Variants in RABGAP1 observed in about 807,000 individuals in gnomAD.
The protein encoded by RABGAP1 is RAB GTPase activating protein 1.
Under a neutral mutation model 137.6 loss-of-function variants are expected in RABGAP1, and 23 were observed. The observed-to-expected ratio is 0.17, with a 90% confidence interval of 0.12 to 0.24. The LOEUF is 0.24. Among genes scored for constraint, RABGAP1 ranks in the 10% least tolerant of loss-of-function variants. RABGAP1 has a pLI of 1.00. For missense variants in RABGAP1, 906 were observed against 1,275.8 expected, an observed-to-expected ratio of 0.71 and a Z score of 4.42; for synonymous variants, 451 against 450.7, an observed-to-expected ratio of 1.00 and a Z score of -0.01.
At chr9:122,964,301 C>G (rs1204747466) in intron 2 of RABGAP1, among the ~76,000 whole-genome samples, 2 of 151,942 alleles carry the variant, frequency 1.3e-5, no homozygotes, top group Non-Finnish European at 2.9e-5. Context: ...CATATGGACA[C>G]AAAAATCCTT....
intron 14 of RABGAP1, among the ~76,000 whole-genome samples, chr9:123,069,757 G>C (rs914550519): frequency 6.6e-6 from 1 of 152,038 alleles, no homozygotes; most frequent in Non-Finnish European, 1.5e-5. Flanking sequence ...GGTGGTGCAA[G>C]CCTGTGGTCC....
chr9:123,087,484 A>G (rs576863324), intron 19 of RABGAP1, among the ~76,000 whole-genome samples: 1 of 152,216 alleles, frequency 6.6e-6, no homozygotes, highest in Non-Finnish European at 1.5e-5. Flanking sequence ...TTGATCTGTT[A>G]GGATTGTCTA....
chr9:122,952,628 C>T (rs1834313992), intron 1 of RABGAP1, among the ~76,000 whole-genome samples: 1 of 152,038 alleles, frequency 6.6e-6, no homozygotes, highest in Non-Finnish European at 1.5e-5. Context: ...CCTAGCTACT[C>T]AGGAGGTGGA....
chr9:123,071,040 A>G (rs1488717373), intron 15 of RABGAP1, among the ~76,000 whole-genome samples: 1 of 152,154 alleles, frequency 6.6e-6, no homozygotes, highest in African/African-American at 2.4e-5. Flanking sequence ...ATTATTCTTG[A>G]AAGTAAATAA....
At chr9:123,099,417 G>A (rs1303693765) in intron 23 of RABGAP1, 61 bp from the exon 24 acceptor site, 9 of 1,462,144 alleles carry the variant, frequency 6.2e-6, no homozygotes, top group South Asian at 2.3e-5. Flanking sequence ...CTTCCACTAT[G>A]GAATTTATGC....
intron 19 of RABGAP1, among the ~76,000 whole-genome samples, chr9:123,087,345 GT>G (rs977338873): frequency 2.6e-5 from 4 of 151,240 alleles, no homozygotes; most frequent in Non-Finnish European, 5.9e-5. Context: ...GTGTCAATTT[GT>G]TTTTTTTTAA....
At chr9:123,011,260 CG>C (rs1414310617) in intron 11 of RABGAP1, among the ~76,000 whole-genome samples, 1 of 151,984 alleles carries the variant, frequency 6.6e-6, no homozygotes, top group African/African-American at 2.4e-5. Context: ...GAGGAGAATT[CG>C]GTTTTCATTG....
intron 13 of RABGAP1, among the ~76,000 whole-genome samples, chr9:123,053,727 T>G (rs970413693): frequency 2.6e-5 from 4 of 152,230 alleles, no homozygotes; most frequent in African/African-American, 7.2e-5. Flanking sequence ...TGGATTAATC[T>G]TAAGAAGAAC....
intron 13 of RABGAP1, chr9:123,034,712 T>A: frequency 6.2e-7 from 1 of 1,613,812 alleles, no homozygotes; most frequent in Non-Finnish European, 8.5e-7. Flanking sequence ...AACATCATTG[T>A]GATTTTTGTA....
chr9:123,026,654 C>T (rs1021748484), intron 13 of RABGAP1, among the ~76,000 whole-genome samples: 1 of 152,176 alleles, frequency 6.6e-6, no homozygotes, highest in African/African-American at 2.4e-5. Flanking sequence ...CACAGAGACT[C>T]TCATGGCTTC....
intron 10 of RABGAP1, 47 bp from the exon 11 acceptor site, chr9:123,010,307 C>A: frequency 6.8e-7 from 1 of 1,480,278 alleles, no homozygotes; most frequent in Admixed American, 2.0e-5. Context: ...TAATTAAAAA[C>A]ATAAAGAACT....
intron 13 of RABGAP1, among the ~76,000 whole-genome samples, chr9:123,024,657 C>T (rs1220045904): frequency 2.0e-5 from 3 of 152,096 alleles, no homozygotes. Context: ...TTAGGCTGGT[C>T]TCGAACTCCC....
intron 13 of RABGAP1, chr9:123,035,332 C>T (rs370055199): frequency 5.6e-6 from 9 of 1,614,040 alleles, no homozygotes; most frequent in Admixed American, 5.0e-5. Context: ...GGTCCTGTTT[C>T]GAATCACTAG....
intron 4 of RABGAP1, among the ~76,000 whole-genome samples, chr9:122,988,006 T>C (rs1477811993): frequency 6.6e-6 from 1 of 152,210 alleles, no homozygotes; most frequent in African/African-American, 2.4e-5. Flanking sequence ...ATAATCTGTA[T>C]ATGTAATTTT....
intron 6 of RABGAP1, among the ~76,000 whole-genome samples, chr9:122,993,031 AT>A (rs1343728811): frequency 6.6e-6 from 1 of 151,730 alleles, no homozygotes; most frequent in Non-Finnish European, 1.5e-5. Flanking sequence ...AAGAATTATT[AT>A]TATGAATGTT....
chr9:122,996,723 A>G (rs1837039318), intron 8 of RABGAP1, 118 bp downstream of exon 8: 18 of 840,314 alleles, frequency 2.1e-5, no homozygotes, highest in Non-Finnish European at 3.3e-5. Context: ...TGTAAGCTAT[A>G]AAGACAACAT....
Position 123,028,450 on chromosome 9 carries a change from A to G in RABGAP1, c.1794+7991A>G, listed in dbSNP as rs533464378. On this transcript the variant is annotated intron_variant, in intron 13 of 25. Coordinates refer to ENST00000373647, the MANE Select transcript of RABGAP1 (RefSeq NM_012197.4). ...TATATACTGCTGTACTGCATATGAC[A>G]TGAAGGATTTCTCACCTAAGTGTTC... is the stretch of plus-strand genomic sequence containing the variant. Among the ~76,000 whole-genome samples the G allele has an allele frequency of 3.3e-5, 5 of 152,348 alleles. No individual in the cohort carries two copies. In the East Asian group the frequency reaches 9.6e-4, roughly 29 times the overall value.
Position 122,990,187 on chromosome 9 carries a change from A to G in RABGAP1, c.897A>G (p.Lys299=). 3.1e-6 allele frequency: 5 copies of G among 1,610,144 alleles called. No individual in the cohort carries two copies. The highest frequency in any genetic ancestry group is 4.2e-6 in the Non-Finnish European group (5 of 1,176,876). The change falls in exon 6 of 26, where the codon AAA becomes AAG. Residue 299 remains lysine, a synonymous_variant. Transcript: ENST00000373647. ...CCTTCTCTGTGTCTTTAGAAATAAA[A>G]GAAGATGATGGTAAAGGTTATTTTA... ...IFTFSVSLEI[K]EDDGKGYFSA...
rs5900552 is a variant in RABGAP1, at chr9:123,035,639, C to CGT, written c.1794+15223_1794+15224dup. On this transcript the variant is annotated intron_variant, in intron 13 of 25. Transcript: ENST00000373647. ...TGAAGTGGCTCAGTTACGGGGTTCCCGTGTGTGTGTGTGTGTGTGTGTGTG... is the reference window on the plus strand; with the variant it reads ...TGAAGTGGCTCAGTTACGGGGTTCCCGTGTGTGTGTGTGTGTGTGTGTGTGTG... 2.7e-4 allele frequency: 199 copies of CGT among 733,350 alleles called. No homozygotes were observed. The African/African-American group carries it at 3.0e-3, about 11-fold the overall frequency. 45.4% of individuals were successfully genotyped at this position (733,350 alleles called of 1,614,324 possible).
Sources: gnomAD v4.1 joint callset for allele counts (sites outside exome capture counted in the v4.1 genomes callset) on GRCh38, gnomAD v4.1.1 for gene constraint, MANE v1.5 for transcripts, NCBI Gene and HGNC (gene_info 2026-07-23, HGNC 2026-07-21) for gene names.